The following NOS1AP variants were observed in gnomAD, a reference collection of about 807,000 sequenced individuals.
NOS1AP encodes carboxyl-terminal PDZ ligand of neuronal nitric oxide synthase protein.
NOS1AP carries 21 observed loss-of-function variants against 56.2 expected under a neutral mutation model. The ratio of observed to expected loss-of-function variants is 0.37; its 90% CI spans 0.26 to 0.54. The LOEUF is 0.54. Among genes scored for constraint, NOS1AP ranks in the 20% least tolerant of loss-of-function variants. The pLI, the probability that NOS1AP is intolerant of heterozygous loss-of-function variation, is 0.84. For synonymous variants in NOS1AP, 270 were observed against 274.6 expected, an observed-to-expected ratio of 0.98 and a Z score of 0.17; for missense variants, 522 against 657.8, an observed-to-expected ratio of 0.79 and a Z score of 2.26.
chr1:162,145,078 C>A (rs1008237353), intron 1 of NOS1AP, among the ~76,000 whole-genome samples: 2 of 152,204 alleles, frequency 1.3e-5, no homozygotes, highest in Non-Finnish European at 2.9e-5. Context: ...TGCTGAGCTA[C>A]TGATCAATAG....
At chr1:162,244,977 G>A (rs536808603) in intron 2 of NOS1AP, among the ~76,000 whole-genome samples, 147 of 152,294 alleles carry the variant, frequency 9.7e-4, no homozygotes, top group Non-Finnish European at 2.0e-3. Context: ...AGGGTGATGG[G>A]AGCTTGAGGG....
chr1:162,255,987 T>C (rs569033577), intron 2 of NOS1AP, among the ~76,000 whole-genome samples: 2 of 151,972 alleles, frequency 1.3e-5, no homozygotes, highest in South Asian at 4.2e-4. Flanking sequence ...CTACTAAAAA[T>C]AGAAAAATTA....
intron 6 of NOS1AP, among the ~76,000 whole-genome samples, chr1:162,350,949 C>T (rs1436187029): frequency 6.6e-6 from 1 of 152,166 alleles, no homozygotes; most frequent in East Asian, 1.9e-4. Context: ...CATGACACCG[C>T]AAGTGGAAAA....
At chr1:162,340,311 T>C (rs1205419497) in intron 5 of NOS1AP, among the ~76,000 whole-genome samples, 1 of 152,224 alleles carries the variant, frequency 6.6e-6, no homozygotes, top group African/African-American at 2.4e-5. Context: ...TCCTCACATG[T>C]AGAAACTATC....
At chr1:162,088,954 C>G (rs1477226776) in intron 1 of NOS1AP, among the ~76,000 whole-genome samples, 2 of 152,148 alleles carry the variant, frequency 1.3e-5, no homozygotes, top group East Asian at 3.9e-4. Context: ...TTTTCTCTCC[C>G]TCTCGCCATT....
At chr1:162,258,610 C>T (rs1010307048) in intron 2 of NOS1AP, among the ~76,000 whole-genome samples, 1 of 152,310 alleles carries the variant, frequency 6.6e-6, no homozygotes, top group South Asian at 2.1e-4. Flanking sequence ...GGGCTGAACC[C>T]TTAACATATA....
chr1:162,243,170 G>A (rs1250533501), intron 2 of NOS1AP, among the ~76,000 whole-genome samples: 1 of 152,176 alleles, frequency 6.6e-6, no homozygotes, highest in African/African-American at 2.4e-5. Flanking sequence ...TAATTCAGGT[G>A]TGTCTGTTGA....
intron 3 of NOS1AP, among the ~76,000 whole-genome samples, chr1:162,289,521 C>T (rs1026226684): frequency 1.7e-4 from 21 of 125,380 alleles, no homozygotes; most frequent in South Asian, 2.7e-4. Context: ...GTCGCCCAGG[C>T]TGGAGTGCAG....
At chr1:162,290,287 G>A (rs1254656556) in intron 3 of NOS1AP, among the ~76,000 whole-genome samples, 2 of 152,178 alleles carry the variant, frequency 1.3e-5, no homozygotes, top group Non-Finnish European at 2.9e-5. Flanking sequence ...CCGTTCCAGG[G>A]CCGTGGCTGT....
At chr1:162,205,430 A>C (rs969176691) in intron 2 of NOS1AP, among the ~76,000 whole-genome samples, 4 of 152,212 alleles carry the variant, frequency 2.6e-5, no homozygotes, top group Non-Finnish European at 4.4e-5. Context: ...CTCTTTCCCC[A>C]GTTGCCATAC....
chr1:162,080,243 C>G (rs1691854893), intron 1 of NOS1AP, among the ~76,000 whole-genome samples: 2 of 152,166 alleles, frequency 1.3e-5, no homozygotes, highest in Non-Finnish European at 2.9e-5. Flanking sequence ...AATGGCACTT[C>G]CAGCAAGTTC....
chr1:162,196,985 C>T (rs762270995), intron 2 of NOS1AP, among the ~76,000 whole-genome samples: 1 of 152,106 alleles, frequency 6.6e-6, no homozygotes, highest in Non-Finnish European at 1.5e-5. Context: ...TGAGAAATTA[C>T]GAGGAGTGGT....
At chr1:162,157,536 G>A (rs185821721) in intron 2 of NOS1AP, among the ~76,000 whole-genome samples, 168 of 152,328 alleles carry the variant, frequency 1.1e-3, no homozygotes, top group Non-Finnish European at 1.9e-3. Context: ...GGCTAACATT[G>A]GGCAGGCTTT....
rs1363082029 is a variant in NOS1AP, at chr1:162,115,231, T to C, written c.106-39174T>C. On this transcript the variant is annotated intron_variant, in intron 1 of 9. Coordinates refer to ENST00000361897, the MANE Select transcript of NOS1AP (RefSeq NM_014697.3). ...AGGAAGGAAACTAATAATAAACAAG[T>C]ATACAAATTAAACAAGCTAATTTCA... Among the ~76,000 whole-genome samples, 8 of 152,174 alleles carry C rather than the reference T, an allele frequency of 5.3e-5. 1 individual carries two copies. Among genetic ancestry groups the C allele is most frequent in the Non-Finnish European group, 1.5e-5 (1 of 68,024 alleles).
At position 162,171,917 on chromosome 1, in the gene NOS1AP, C is replaced by A. The variant is rs571278448; in HGVS notation, c.177+17441C>A. ...TTCTCCCATACCACCCTTTTTAGGC[C>A]ATATATTTCCTCCTTAAGCCACCTT... On this transcript the variant is annotated intron_variant, in intron 2 of 9. Transcript: ENST00000361897. Among the ~76,000 whole-genome samples the A allele has an allele frequency of 5.2e-3, 786 of 152,204 alleles. 3 individuals carry two copies. The highest frequency in any genetic ancestry group is 9.7e-3 in the Non-Finnish European group (662 of 68,008).
intron 1 of NOS1AP, among the ~76,000 whole-genome samples, chr1:162,091,013 G>T (rs894228734): frequency 6.6e-6 from 1 of 152,076 alleles, no homozygotes; most frequent in Non-Finnish European, 1.5e-5. Flanking sequence ...AAGGAGGGTT[G>T]GTTTGGTAGT....
chr1:162,221,975 T>C lies in NOS1AP; in HGVS notation c.178-65369T>C, dbSNP rs1332746992. Among the ~76,000 whole-genome samples the C allele has an allele frequency of 2.6e-5, 4 of 152,230 alleles. No individual in the cohort carries two copies. The East Asian group carries it at 7.7e-4, about 29-fold the overall frequency. On this transcript the variant is annotated intron_variant, in intron 2 of 9. Transcript: ENST00000361897. ...TAAATTATAATTTATTTAATCATTCTCCCATTGAATATTTGTGTCTTAAAA... is the reference window on the plus strand; with the variant it reads ...TAAATTATAATTTATTTAATCATTCCCCCATTGAATATTTGTGTCTTAAAA...
intron 2 of NOS1AP, among the ~76,000 whole-genome samples, chr1:162,215,994 C>T (rs969203542): frequency 3.3e-5 from 5 of 152,148 alleles, no homozygotes; most frequent in South Asian, 2.1e-4. Context: ...GTCCAGCTTC[C>T]GTGTGTGTTC....
chr1:162,137,802 G>A (rs6684278), intron 1 of NOS1AP, among the ~76,000 whole-genome samples: 105,113 of 151,836 alleles, frequency 0.69, 36,833 homozygotes, highest in Non-Finnish European at 0.72. Flanking sequence ...ATACCTAGAC[G>A]GGCATTTCTC....
Sources: allele counts gnomAD v4.1 joint callset (sites outside exome capture counted in the v4.1 genomes callset), GRCh38; gene constraint gnomAD v4.1.1; transcripts MANE v1.5; gene names NCBI Gene and HGNC (gene_info 2026-07-23, HGNC 2026-07-21).